The following IGFBP7 variants were observed in gnomAD, a reference collection of about 807,000 sequenced individuals.
IGFBP7 encodes insulin-like growth factor-binding protein 7.
A neutral mutation model predicts 29.4 loss-of-function variants in IGFBP7; 31 were observed. The observed-to-expected ratio is 1.05, with a 90% CI of 0.79 to 1.42. The LOEUF (loss-of-function observed/expected upper bound fraction) is 1.42. Among genes scored for constraint, IGFBP7 ranks in the 40% most tolerant of loss-of-function variants. IGFBP7 has a pLI of 0.00. For synonymous variants in IGFBP7, 172 were observed against 174.9 expected, an observed-to-expected ratio of 0.98 and a Z score of 0.13; for missense variants, 393 against 395.5, an observed-to-expected ratio of 0.99 and a Z score of 0.05.
intron 1 of IGFBP7, among the ~76,000 whole-genome samples, chr4:57,059,623 G>T (rs552386387): frequency 6.6e-6 from 1 of 152,034 alleles, no homozygotes; most frequent in Non-Finnish European, 1.5e-5. Flanking sequence ...AGGGAGAGGA[G>T]CAGAAAGGGC....
chr4:57,094,027 C>T (rs1215665717), intron 1 of IGFBP7, among the ~76,000 whole-genome samples: 1 of 151,976 alleles, frequency 6.6e-6, no homozygotes, highest in African/African-American at 2.4e-5. Context: ...TTCTTTGTTC[C>T]TGTGCATTTT....
chr4:57,083,915 A>G (rs1725433868), intron 1 of IGFBP7, among the ~76,000 whole-genome samples: 1 of 152,108 alleles, frequency 6.6e-6, no homozygotes, highest in African/African-American at 2.4e-5. Context: ...TGGAGTCCTA[A>G]TCCATCTTAA....
chr4:57,074,263 G>A lies in IGFBP7; in HGVS notation c.476-33330C>T, dbSNP rs547456311. On this transcript the variant is annotated intron_variant, in intron 1 of 4. Transcript: ENST00000295666. ...TTTAGTGGAGACGGGGTCTTGCCAT[G>A]TTGGCCAGTCTTGTCTTGAACTCCT... Among the ~76,000 whole-genome samples the A allele has an allele frequency of 8.5e-5, 13 of 152,310 alleles. No homozygotes were observed. The South Asian group carries it at 2.7e-3, about 32-fold the overall frequency.
At chr4:57,095,153 T>A (rs923714352) in intron 1 of IGFBP7, among the ~76,000 whole-genome samples, 5 of 152,368 alleles carry the variant, frequency 3.3e-5, no homozygotes, top group Admixed American at 3.3e-4. Flanking sequence ...TAGACAAGCT[T>A]CATTCTGGCT....
intron 3 of IGFBP7, 42 bp from the exon 4 acceptor site, chr4:57,032,594 T>G: frequency 6.7e-7 from 1 of 1,494,366 alleles, no homozygotes; most frequent in Non-Finnish European, 9.3e-7. Flanking sequence ...GTGGTGGTCT[T>G]CTCTTTTGTC....
intron 1 of IGFBP7, among the ~76,000 whole-genome samples, chr4:57,061,681 GT>G (rs1327612521): frequency 2.6e-5 from 4 of 152,164 alleles, no homozygotes; most frequent in Non-Finnish European, 5.9e-5. Flanking sequence ...GAAAGTGTTT[GT>G]TTTTGGAATT....
At chr4:57,091,144 T>C (rs1218817841) in intron 1 of IGFBP7, among the ~76,000 whole-genome samples, 3 of 152,180 alleles carry the variant, frequency 2.0e-5, no homozygotes, top group Non-Finnish European at 2.9e-5. Flanking sequence ...GATGTGTTTC[T>C]TCAAAAACAC....
chr4:57,039,924 C>G (rs1036154934), intron 2 of IGFBP7, among the ~76,000 whole-genome samples: 2 of 117,836 alleles, frequency 1.7e-5, no homozygotes, highest in Non-Finnish European at 3.7e-5. Flanking sequence ...CTGCACCCAG[C>G]CTCACACTTT....
chr4:57,034,044 C>A (rs1724017351), intron 2 of IGFBP7, among the ~76,000 whole-genome samples: 2 of 68,884 alleles, frequency 2.9e-5, no homozygotes, highest in South Asian at 8.0e-4. Flanking sequence ...AGTGAGACTC[C>A]ATCTCAAAAA....
At chr4:57,077,466 C>T (rs961499747) in intron 1 of IGFBP7, among the ~76,000 whole-genome samples, 7 of 152,048 alleles carry the variant, frequency 4.6e-5, no homozygotes, top group Admixed American at 2.0e-4. Flanking sequence ...TTAGTAGAAA[C>T]GGGGTTTGAC....
intron 1 of IGFBP7, among the ~76,000 whole-genome samples, chr4:57,076,990 A>AT (rs1331992882): frequency 6.6e-6 from 1 of 152,196 alleles, no homozygotes; most frequent in Non-Finnish European, 1.5e-5. Context: ...CCAAAGGAAA[A>AT]TTTTTTATGA....
At chr4:57,107,008 C>T (rs1175598122) in intron 1 of IGFBP7, among the ~76,000 whole-genome samples, 1 of 152,078 alleles carries the variant, frequency 6.6e-6, no homozygotes, top group Non-Finnish European at 1.5e-5. Context: ...CGCTTTGCCT[C>T]CTACCAGAGA....
intron 1 of IGFBP7, among the ~76,000 whole-genome samples, chr4:57,107,484 T>C (rs189105768): frequency 3.9e-5 from 6 of 152,344 alleles, no homozygotes; most frequent in African/African-American, 1.4e-4. Context: ...AGTTTGCTTC[T>C]ATGATTGTCA....
chr4:57,077,122 GA>G (rs1245082320), intron 1 of IGFBP7, among the ~76,000 whole-genome samples: 1 of 89,482 alleles, frequency 1.1e-5, no homozygotes, highest in Non-Finnish European at 2.5e-5. Context: ...TGTGGAAACA[GA>G]AAAACAAAAA....
intron 1 of IGFBP7, among the ~76,000 whole-genome samples, chr4:57,048,669 G>T (rs113318276): frequency 0.01 from 1,537 of 152,280 alleles, 28 homozygotes; most frequent in African/African-American, 0.035. Flanking sequence ...GTTAAAATGT[G>T]TTATCCTATA....
At chr4:57,035,148 C>G (rs576572318) in intron 2 of IGFBP7, among the ~76,000 whole-genome samples, 11 of 152,290 alleles carry the variant, frequency 7.2e-5, no homozygotes, top group African/African-American at 2.6e-4. Flanking sequence ...ATCTCAGCAA[C>G]TAAGCCTCAA....
rs762718279 is a variant in IGFBP7, at chr4:57,032,595, CTCTTT to C, written c.703-48_703-44del. On this transcript the variant is annotated intron_variant, in intron 3 of 4. Coordinates refer to ENST00000295666, the MANE Select transcript of IGFBP7 (RefSeq NM_001553.3). ...TCTAGTATTCCTCTGTGGTGGTCTTCTCTTTTGTCAGTGGTTCCAGTGAGGTCATT... is the reference window on the plus strand; with the variant it reads ...TCTAGTATTCCTCTGTGGTGGTCTTCTGTCAGTGGTTCCAGTGAGGTCATT... The C allele has an allele frequency of 2.7e-5, 40 of 1,494,778 alleles. 1 individual carries two copies. In the Middle Eastern group the frequency reaches 6.9e-4, roughly 26 times the overall value. The allele number at this position is 1,494,778 out of a possible 1,614,324, so 92.6% of individuals were successfully genotyped here.
intron 1 of IGFBP7, among the ~76,000 whole-genome samples, chr4:57,089,763 T>C (rs1725590840): frequency 1.3e-5 from 2 of 152,246 alleles, no homozygotes; most frequent in Non-Finnish European, 1.5e-5. Context: ...TGATCATTTC[T>C]GGCCAATGAG....
intron 1 of IGFBP7, among the ~76,000 whole-genome samples, chr4:57,103,286 G>C (rs1187649965): frequency 2.0e-5 from 3 of 152,116 alleles, no homozygotes; most frequent in African/African-American, 7.2e-5. Context: ...CACAAATCCA[G>C]CTCCATCACT....
Sources: allele counts gnomAD v4.1 joint callset (sites outside exome capture counted in the v4.1 genomes callset), GRCh38; gene constraint gnomAD v4.1.1; transcripts MANE v1.5; gene names NCBI Gene and HGNC (gene_info 2026-07-23, HGNC 2026-07-21).